Variants in OPTN observed in about 807,000 individuals in gnomAD.
OPTN encodes optineurin, also known as E3-14.7K-interacting protein.
OPTN carries 54 observed loss-of-function variants against 70.4 expected under a neutral mutation model. The observed-to-expected ratio is 0.77, with a 90% confidence interval of 0.62 to 0.96. OPTN has a LOEUF of 0.96. Among genes scored for constraint, OPTN ranks in the 40% least tolerant of loss-of-function variants. The probability of loss-of-function intolerance (pLI) is 0.00; values close to 1 mark genes in which losing one functional copy is unlikely to be tolerated. For missense variants in OPTN, 624 were observed against 673.2 expected (o/e 0.93, Z 0.81); for synonymous variants, 256 against 248.5 (o/e 1.03, Z -0.28).
At chr10:13,133,953 C>T (rs1205351718) in intron 14 of OPTN, among the ~76,000 whole-genome samples, 3 of 152,130 alleles carry the variant, frequency 2.0e-5, no homozygotes, top group Admixed American at 6.5e-5. Context: ...GAATTACAGG[C>T]GTGCACCGCC....
At chr10:13,110,543 C>T (rs1438109760) in intron 4 of OPTN, 67 bp downstream of exon 4, 7 of 1,425,458 alleles carry the variant, frequency 4.9e-6, no homozygotes, top group African/African-American at 1.4e-5. Flanking sequence ...TGGAATCTTA[C>T]GTGTCTAGAC....
intron 7 of OPTN, among the ~76,000 whole-genome samples, chr10:13,122,071 C>T (rs911045811): frequency 6.6e-6 from 1 of 152,232 alleles, no homozygotes; most frequent in Non-Finnish European, 1.5e-5. Context: ...ATGGAACACA[C>T]ATGCATCCAC....
chr10:13,112,154 T>A (rs1833022005), intron 4 of OPTN, among the ~76,000 whole-genome samples: 1 of 143,698 alleles, frequency 7.0e-6, no homozygotes, highest in South Asian at 2.2e-4. Context: ...TGGCTTGGCT[T>A]TTTTTTTTTT....
intron 4 of OPTN, among the ~76,000 whole-genome samples, chr10:13,111,655 G>A (rs1020961116): frequency 5.9e-5 from 9 of 151,804 alleles, no homozygotes; most frequent in South Asian, 2.1e-4. Flanking sequence ...CTGAGATCGC[G>A]CCATTGCACT....
intron 14 of OPTN, among the ~76,000 whole-genome samples, chr10:13,135,479 A>C (rs1833680390): frequency 6.7e-6 from 1 of 150,002 alleles, no homozygotes; most frequent in African/African-American, 2.5e-5. Flanking sequence ...TTTCTGCACC[A>C]AGATCTAAAC....
rs116697415 is a variant in OPTN, at chr10:13,105,522, G to A, written c.-163-2616G>A. Among the ~76,000 whole-genome samples, 867 of 152,170 alleles carry A rather than the reference G, an allele frequency of 5.7e-3. 10 individuals are homozygous for A. Among genetic ancestry groups the A allele is most frequent in the African/African-American group, 0.02 (817 of 41,492 alleles). On this transcript the variant is annotated intron_variant, in intron 1 of 14. Transcript: ENST00000378747. ...TTTTCCTCGTATGCTTATAAAATCCGGGCAATGTGAGAAGTCAGAAACACT... is the reference window on the plus strand; with the variant it reads ...TTTTCCTCGTATGCTTATAAAATCCAGGCAATGTGAGAAGTCAGAAACACT...
At chr10:13,114,787 TATATAATTATATATAC>T (rs1833094366) in intron 5 of OPTN, among the ~76,000 whole-genome samples, 2 of 104,818 alleles carry the variant, frequency 1.9e-5, no homozygotes, top group Non-Finnish European at 3.6e-5. Context: ...ATTATATAAT[TATATAATTATATATAC>T]ATATATATAA....
chr10:13,116,305 T>C lies in OPTN; in HGVS notation c.591T>C (p.His197=). Residue 197 remains histidine, a synonymous_variant, in exon 6 of 15, where the codon CAT becomes CAC. Coordinates refer to ENST00000378747, the MANE Select transcript of OPTN (RefSeq NM_001008212.2). The part of the protein sequence containing the change: ...EAEGSVKEIK[H]SPGPTRTVST... The stretch of plus-strand genomic sequence containing the variant: ...AAGGGTCAGTAAAAGAAATCAAGCA[T>C]AGTCCTGGGCCCACGAGAACAGTCT... 6.2e-7 allele frequency: 1 copy of C among 1,613,754 alleles called. No individual in the cohort carries two copies. Among genetic ancestry groups the C allele is most frequent in the Non-Finnish European group, 8.5e-7 (1 of 1,179,696 alleles).
chr10:13,130,455 C>CAAAAA (rs1833572367), intron 12 of OPTN, among the ~76,000 whole-genome samples: 2 of 101,238 alleles, frequency 2.0e-5, no homozygotes, highest in South Asian at 3.4e-4. Context: ...AAAAAAAAAT[C>CAAAAA]AGACACTGTT....
In OPTN at chr10:13,107,384, A is replaced by G. The variant is rs1189115090; in HGVS notation, c.-163-754A>G. Among the ~76,000 whole-genome samples the G allele has an allele frequency of 5.1e-5, 7 of 136,310 alleles. No homozygotes were observed. The East Asian group carries it at 6.9e-4, about 13-fold the overall frequency. 89.4% of individuals were successfully genotyped at this position (136,310 alleles called of 152,430 possible). A position where few individuals can be genotyped will look rare whatever the true frequency, so the allele number is the denominator to read the frequency against. ...AGAGAGACTCTCAAAAAACCAAAAC[A>G]GTCTTTTTTTTTTTTTTTTTTTGAG... is the stretch of plus-strand genomic sequence containing the variant. On this transcript the variant is annotated intron_variant, in intron 1 of 14. Transcript: ENST00000378747.
chr10:13,105,030 C>G, intron 1 of OPTN, among the ~76,000 whole-genome samples: 1 of 151,962 alleles, frequency 6.6e-6, no homozygotes, highest in East Asian at 1.9e-4. Context: ...AAACTCCTGG[C>G]CTCAAATGAT....
intron 8 of OPTN, 122 bp downstream of exon 8, chr10:13,122,609 A>G: frequency 1.4e-6 from 1 of 736,850 alleles, no homozygotes; most frequent in Non-Finnish European, 2.5e-6. Context: ...TTGATATTGA[A>G]TATTATCTAT....
At chr10:13,109,038 G>T (rs1832933671) in intron 2 of OPTN, 74 bp from the exon 3 acceptor site, 1 of 1,348,742 alleles carries the variant, frequency 7.4e-7, no homozygotes, top group African/African-American at 1.4e-5. Context: ...AATCGCCAAT[G>T]GGTTTGTGGG....
At chr10:13,106,641 A>G (rs1470118113) in intron 1 of OPTN, among the ~76,000 whole-genome samples, 2 of 152,220 alleles carry the variant, frequency 1.3e-5, no homozygotes, top group Non-Finnish European at 2.9e-5. Context: ...GATTACCTAC[A>G]AGTTCCTCAC....
chr10:13,128,345 T>A (rs892111013), intron 12 of OPTN, among the ~76,000 whole-genome samples: 1 of 152,052 alleles, frequency 6.6e-6, no homozygotes, highest in African/African-American at 2.4e-5. Flanking sequence ...TTACCAACAC[T>A]TCTATTATCA....
intron 7 of OPTN, among the ~76,000 whole-genome samples, chr10:13,122,174 C>A (rs1588445505): frequency 6.6e-6 from 1 of 152,132 alleles, no homozygotes; most frequent in East Asian, 1.9e-4. Context: ...TTGCCTTTTA[C>A]CTCTGTGTGT....
intron 7 of OPTN, among the ~76,000 whole-genome samples, chr10:13,120,609 A>T (rs1833326543): frequency 1.3e-5 from 2 of 151,152 alleles, no homozygotes; most frequent in Admixed American, 6.6e-5. Flanking sequence ...TTCATCTCTG[A>T]CATTTAAGCC....
At chr10:13,101,568 T>G (rs1832749198) in intron 1 of OPTN, among the ~76,000 whole-genome samples, 1 of 152,162 alleles carries the variant, frequency 6.6e-6, no homozygotes, top group Non-Finnish European at 1.5e-5. Flanking sequence ...TATATGTTCT[T>G]TGGAATTTAT....
chr10:13,122,513 T>G, intron 8 of OPTN, 26 bp downstream of exon 8: 1 of 1,440,704 alleles, frequency 6.9e-7, no homozygotes, highest in Non-Finnish European at 9.8e-7. Context: ...CCACGGCCAC[T>G]ACCACACCCA....
Sources: allele counts gnomAD v4.1 joint callset (sites outside exome capture counted in the v4.1 genomes callset), GRCh38; gene constraint gnomAD v4.1.1; transcripts MANE v1.5; gene names NCBI Gene and HGNC (gene_info 2026-07-23, HGNC 2026-07-21).